MZF1: variants seen among roughly 807,000 people sequenced by gnomAD.
The protein encoded by MZF1 is zinc finger and SCAN domain-containing protein 6.
In MZF1, 24 loss-of-function variants were observed where a neutral mutation model predicts 28.6. The observed-to-expected ratio is 0.84, with a 90% CI of 0.61 to 1.18. MZF1 has a LOEUF of 1.18. MZF1 is among the 50% of genes most tolerant of loss of function. The probability of loss-of-function intolerance (pLI) is 0.00; values close to 1 mark genes in which losing one functional copy is unlikely to be tolerated. For missense variants in MZF1, 1,166 were observed against 1,026.4 expected (o/e 1.14, Z -1.86); for synonymous variants, 516 against 432.5 (o/e 1.19, Z -2.40).
chr19:58,570,684 G>A lies in MZF1; in HGVS notation c.397-157C>T, dbSNP rs1205965465. On this transcript the variant is annotated intron_variant, in intron 2 of 5. Transcript: ENST00000215057. ...CAAGGACCTACCTCCCCTAGGCCCT[G>A]AGCAAAGAATGAAGGGACCACCTGC... 3 of 820,202 alleles carry A rather than the reference G, an allele frequency of 3.7e-6. No individual in the cohort carries two copies. The African/African-American group carries it at 5.2e-5, about 14-fold the overall frequency. 50.8% of individuals were successfully genotyped at this position (820,202 alleles called of 1,614,324 possible).
At position 58,563,086 on chromosome 19, in the gene MZF1, C is replaced by A. The variant is rs779467461; in HGVS notation, c.1191G>T (p.Ser397=). 1.2e-6 allele frequency: 2 copies of A among 1,603,940 alleles called. No individual in the cohort carries two copies. Among genetic ancestry groups the A allele is most frequent in the Admixed American group, 1.7e-5 (1 of 59,898 alleles). ...SECGRSFSRS[S]HLLRHQLTHT... is the part of the protein sequence containing the mutation. Reference sequence around the variant, plus strand: ...GCGTAAGCTGGTGGCGCAGCAGGTGCGAGCTGCGGCTGAAGCTGCGGCCGC... The same window carrying A: ...GCGTAAGCTGGTGGCGCAGCAGGTGAGAGCTGCGGCTGAAGCTGCGGCCGC... Residue 397 remains serine (S), a synonymous_variant, in exon 6 of 6, where the codon TCG becomes TCT. Transcript: ENST00000215057.
rs1351005097 is a variant in MZF1 at position 58,569,020 on chromosome 19, G to A, written c.772+257C>T. 3 of 409,390 alleles carry A rather than the reference G, an allele frequency of 7.3e-6. No individual in the cohort carries two copies. In the South Asian group the frequency reaches 1.0e-4, roughly 14 times the overall value. The allele number at this position is 409,390 out of a possible 1,614,324, so 25.4% of individuals were successfully genotyped here. Reference sequence around the variant, plus strand: ...TGTGGGTACGGGGAATACTCGCCCTGCTTGCAAAAGGTTTTACTAGGGTGG... The same window carrying A: ...TGTGGGTACGGGGAATACTCGCCCTACTTGCAAAAGGTTTTACTAGGGTGG... On this transcript the variant is annotated intron_variant, in intron 5 of 5. Coordinates refer to ENST00000215057, the MANE Select transcript of MZF1 (RefSeq NM_198055.2).
In MZF1 at chr19:58,563,299, C is replaced by T; in HGVS notation, c.978G>A (p.Val326=). The change falls in exon 6 of 6, where the codon GTG becomes GTA. Residue 326 remains valine, a synonymous_variant. Coordinates refer to ENST00000215057, the MANE Select transcript of MZF1 (RefSeq NM_198055.2). ...AGCGGGTGGTGATCAGAGCAGGGCCCACACCCCGGCAGGGATCCTCGTCCG... is the reference window on the plus strand; with the variant it reads ...AGCGGGTGGTGATCAGAGCAGGGCCTACACCCCGGCAGGGATCCTCGTCCG... The part of the protein sequence containing the change: ...DPTDEDPCRG[V]GPALITTRWR... 1.2e-6 allele frequency: 2 copies of T among 1,607,962 alleles called. No individual in the cohort carries two copies. Among genetic ancestry groups the T allele is most frequent in the Non-Finnish European group, 1.7e-6 (2 of 1,177,732 alleles).
chr19:58,566,237 G>A (rs1005775797), intron 5 of MZF1, among the ~76,000 whole-genome samples: 6 of 151,392 alleles, frequency 4.0e-5, no homozygotes, highest in Admixed American at 1.3e-4. Context: ...ACCTGAGGTC[G>A]GGAGTTCCAG....
chr19:58,570,202 G>A, intron 3 of MZF1, 142 bp downstream of exon 3: 1 of 894,524 alleles, frequency 1.1e-6, no homozygotes, highest in South Asian at 1.7e-5. Context: ...ACCTGACTGG[G>A]TAGAATGTGG....
In MZF1 at chr19:58,562,152, A is replaced by C. The variant is rs751926237; in HGVS notation, c.2125T>G (p.Phe709Val). ...CGGCGGCCACAGTCCTGGCAGGCGA[A>C]GGGCTTCTCTCGTCGGTGGGTGCGC... ...HLRTHRREKP[F>V]ACQDCGRRFH... The change falls in exon 6 of 6, where the codon TTC (phenylalanine) becomes GTC (valine). Residue 709 changes from phenylalanine (F) to valine (V), a missense_variant. Coordinates refer to ENST00000215057, the MANE Select transcript of MZF1 (RefSeq NM_198055.2). The C allele has an allele frequency of 6.3e-7, 1 of 1,592,734 alleles. No individual in the cohort carries two copies. The highest frequency in any genetic ancestry group is 8.5e-7 in the Non-Finnish European group (1 of 1,172,742).
intron 5 of MZF1, chr19:58,564,176 C>T (rs1211679030): frequency 6.6e-6 from 1 of 152,204 alleles, no homozygotes. Context: ...AGGCGGAAGC[C>T]TGGAGGAGGT....
Position 58,571,197 on chromosome 19 carries a change from G to A in MZF1, c.193C>T (p.Leu65Phe). The A allele has an allele frequency of 6.2e-7, 1 of 1,613,206 alleles. No homozygotes were observed. The highest frequency in any genetic ancestry group is 8.5e-7 in the Non-Finnish European group (1 of 1,179,594). The part of the protein sequence containing the change: ...ATGPQEALAQ[L>F]RELCRQWLRP... Reference sequence around the variant, plus strand: ...AGCCACTGGCGACACAGCTCTCGGAGCTGGGCCAGGGCCTCTTGGGGCCCT... The same window carrying A: ...AGCCACTGGCGACACAGCTCTCGGAACTGGGCCAGGGCCTCTTGGGGCCCT... The change falls in exon 2 of 6, where the codon CTC becomes TTC. Residue 65 changes from leucine (L) to phenylalanine (F), a missense_variant. Leu to Phe is a conservative substitution (Grantham distance 22, BLOSUM62 0). Coordinates refer to ENST00000215057, the MANE Select transcript of MZF1 (RefSeq NM_198055.2).
Position 58,563,387 on chromosome 19 carries a change from C to T in MZF1, c.890G>A (p.Arg297His), listed in dbSNP as rs767860391. ...AAGCGCATGCGCAAAGCCACCTTCG[C>T]GGGAGGGTGATTGGATCTGGCCAGA... The part of the protein sequence containing the change: ...GLSGQIQSPS[R>H]EGGFAHALLL... The change falls in exon 6 of 6, where the codon CGC (arginine) becomes CAC (histidine). Residue 297 changes from arginine (R) to histidine (H), a missense_variant. Transcript: ENST00000215057. 1 of 1,602,348 alleles carries T rather than the reference C, an allele frequency of 6.2e-7. No homozygotes were observed. The highest frequency in any genetic ancestry group is 2.3e-5 in the East Asian group (1 of 44,374).
At position 58,563,474 on chromosome 19, in the gene MZF1, G is replaced by T. The variant is rs754161627; in HGVS notation, c.803C>A (p.Ala268Glu). ...GTGAGGGCTTACACTACCTGGACCTGCGGAGATGCTGCCTAGCTGCAGCGC... is the reference window on the plus strand; with the variant it reads ...GTGAGGGCTTACACTACCTGGACCTTCGGAGATGCTGCCTAGCTGCAGCGC... ...GFALQLGSIS[A>E]GPGSVSPHLH... Residue 268 changes from alanine to glutamate, a missense_variant, in exon 6 of 6, where the codon GCA (alanine) becomes GAA (glutamate). Coordinates refer to ENST00000215057, the MANE Select transcript of MZF1 (RefSeq NM_198055.2). The T allele has an allele frequency of 2.4e-5, 38 of 1,563,226 alleles. No individual in the cohort carries two copies. The South Asian group carries it at 4.2e-4, about 17-fold the overall frequency.
Position 58,569,779 on chromosome 19 carries a change from G to A in MZF1, c.581-193C>T, listed in dbSNP as rs145564670. On this transcript the variant is annotated intron_variant, in intron 3 of 5. Transcript: ENST00000215057. ...AGCAGAGTACCCTGGAAGGCCAGGG[G>A]TTGAGCTGCAGTGGGATGAGATGGG... is the stretch of plus-strand genomic sequence containing the variant. 516 of 566,982 alleles carry A rather than the reference G, an allele frequency of 9.1e-4. 2 individuals are homozygous for A. The highest frequency in any genetic ancestry group is 8.4e-3 in the African/African-American group (444 of 53,100). 35.1% of individuals were successfully genotyped at this position (566,982 alleles called of 1,614,324 possible).
In MZF1 at chr19:58,562,567, G is replaced by C; in HGVS notation, c.1710C>G (p.Ala570=). The C allele has an allele frequency of 6.3e-7, 1 of 1,596,504 alleles. No individual in the cohort carries two copies. Among genetic ancestry groups the C allele is most frequent in the Non-Finnish European group, 8.5e-7 (1 of 1,174,068 alleles). ...RRIHTGERPF[A]CAECGKAFRQ... is the part of the protein sequence containing the mutation. ...GGAAGGCCTTGCCACACTCGGCGCA[G>C]GCGAAGGGCCGCTCCCCGGTGTGGA... The change falls in exon 6 of 6, where the codon GCC becomes GCG. Residue 570 remains alanine (A), a synonymous_variant. Coordinates refer to ENST00000215057, the MANE Select transcript of MZF1 (RefSeq NM_198055.2).
chr19:58,562,403 T>C lies in MZF1; in HGVS notation c.1874A>G (p.Tyr625Cys). Residue 625 changes from tyrosine to cysteine, a missense_variant, in exon 6 of 6, where the codon TAC (tyrosine) becomes TGC (cysteine). By Grantham distance (194) the Tyr-to-Cys change is radical. Coordinates refer to ENST00000215057, the MANE Select transcript of MZF1 (RefSeq NM_198055.2). ...HQRTHTGEKP[Y>C]HCGECGLGFT... is the part of the protein sequence containing the mutation. ...GCCCAGGCCGCACTCACCGCAGTGG[T>C]AGGGCTTTTCGCCGGTGTGTGTCCT... is the stretch of plus-strand genomic sequence containing the variant. 1 of 1,607,216 alleles carries C rather than the reference T, an allele frequency of 6.2e-7. No individual in the cohort carries two copies. The highest frequency in any genetic ancestry group is 2.2e-5 in the East Asian group (1 of 44,510).
chr19:58,572,122 C>T (rs2054175924), intron 1 of MZF1, among the ~76,000 whole-genome samples: 1 of 152,180 alleles, frequency 6.6e-6, no homozygotes, highest in South Asian at 2.1e-4. Context: ...ATCAGCATCA[C>T]TGCTGGCGTC....
intron 1 of MZF1, chr19:58,572,449 G>A: frequency 9.7e-6 from 9 of 930,922 alleles, no homozygotes; most frequent in Non-Finnish European, 1.0e-5. Flanking sequence ...CAAGACTGCC[G>A]GAACAGGAGC....
Position 58,562,381 on chromosome 19 carries a change from C to G in MZF1, c.1896G>C (p.Leu632=), listed in dbSNP as rs1393491326. ...TGAGCCGCGAGACCTGCGTGAAGCC[C>G]AGGCCGCACTCACCGCAGTGGTAGG... is the stretch of plus-strand genomic sequence containing the variant. ...EKPYHCGECG[L]GFTQVSRLTE... The change falls in exon 6 of 6, where the codon CTG becomes CTC. Residue 632 remains leucine (L), a synonymous_variant. Transcript: ENST00000215057. 4 of 1,609,432 alleles carry G rather than the reference C, an allele frequency of 2.5e-6. No homozygotes were observed. Among genetic ancestry groups the G allele is most frequent in the Non-Finnish European group, 3.4e-6 (4 of 1,178,348 alleles).
At position 58,562,357 on chromosome 19, in the gene MZF1, G is replaced by A. The variant is rs370237214; in HGVS notation, c.1920C>T (p.Leu640=). 3 of 1,601,124 alleles carry A rather than the reference G, an allele frequency of 1.9e-6. No individual in the cohort carries two copies. Among genetic ancestry groups the A allele is most frequent in the East Asian group, 4.5e-5 (2 of 43,988 alleles). ...CGLGFTQVSR[L]TEHQRIHTGE... ...CCGTGTGGATGCGCTGGTGCTCGGTGAGCCGCGAGACCTGCGTGAAGCCCA... is the reference window on the plus strand; with the variant it reads ...CCGTGTGGATGCGCTGGTGCTCGGTAAGCCGCGAGACCTGCGTGAAGCCCA... The change falls in exon 6 of 6, where the codon CTC becomes CTT. Residue 640 remains leucine (L), a synonymous_variant. Coordinates refer to ENST00000215057, the MANE Select transcript of MZF1 (RefSeq NM_198055.2).
chr19:58,572,447 C>G, intron 1 of MZF1: 5 of 908,242 alleles, frequency 5.5e-6, no homozygotes, highest in Non-Finnish European at 6.1e-6. Flanking sequence ...TCCAAGACTG[C>G]CGGAACAGGA....
chr19:58,571,414 AG>A lies in MZF1; in HGVS notation c.-26del, dbSNP rs1250419706. On this transcript the variant is annotated 5_prime_UTR_variant, in exon 2 of 6. Transcript: ENST00000215057. ...TAGAGGGTACCAGGTCAGGTATCTG[AG>A]GCCAGTGTCTGCCCCTGGTGAAGAA... 6.2e-7 allele frequency: 1 copy of A among 1,611,938 alleles called. No homozygotes were observed. Among genetic ancestry groups the A allele is most frequent in the Non-Finnish European group, 8.5e-7 (1 of 1,179,088 alleles).
Sources: gnomAD v4.1 joint callset for allele counts (sites outside exome capture counted in the v4.1 genomes callset) on GRCh38, gnomAD v4.1.1 for gene constraint, MANE v1.5 for transcripts, NCBI Gene and HGNC (gene_info 2026-07-23, HGNC 2026-07-21) for gene names.